The following OSMR variants were observed in gnomAD, a reference collection of about 807,000 sequenced individuals.
OSMR encodes oncostatin M receptor.
Under a neutral mutation model 99.9 loss-of-function variants are expected in OSMR, and 81 were observed. That is an observed-to-expected ratio of 0.81 (90% CI 0.68 to 0.97). The LOEUF (loss-of-function observed/expected upper bound fraction) is 0.97. OSMR is among the 50% of genes least tolerant of loss of function. The pLI is 0.00. For synonymous variants in OSMR, 406 were observed against 410.4 expected, an observed-to-expected ratio of 0.99 and a Z score of 0.13; for missense variants, 1,099 against 1,153.4, an observed-to-expected ratio of 0.95 and a Z score of 0.68.
At chr5:38,873,894 G>A (rs143819903) in intron 2 of OSMR, among the ~76,000 whole-genome samples, 51 of 152,130 alleles carry the variant, frequency 3.4e-4, no homozygotes, top group African/African-American at 9.9e-4. Context: ...GTGCAGTGGT[G>A]TGATCACGGT....
chr5:38,903,023 C>T (rs1744994384), intron 7 of OSMR, among the ~76,000 whole-genome samples: 1 of 152,180 alleles, frequency 6.6e-6, no homozygotes, highest in Non-Finnish European at 1.5e-5. Context: ...TCTGATGTCT[C>T]CACTGTGGGC....
At chr5:38,869,724 A>G (rs1479975527) in intron 2 of OSMR, among the ~76,000 whole-genome samples, 1 of 152,240 alleles carries the variant, frequency 6.6e-6, no homozygotes, top group Non-Finnish European at 1.5e-5. Flanking sequence ...AATAAGGTCA[A>G]TAAGAATTTA....
At chr5:38,852,752 A>T (rs1740507186) in intron 1 of OSMR, among the ~76,000 whole-genome samples, 1 of 38,728 alleles carries the variant, frequency 2.6e-5, no homozygotes, top group Admixed American at 4.4e-4. Flanking sequence ...TTTTTTTGAG[A>T]CGGAGTCTCA....
At chr5:38,903,640 A>T in intron 7 of OSMR, 1 of 376,352 alleles carries the variant, frequency 2.7e-6, no homozygotes, top group Non-Finnish European at 3.7e-6. Context: ...ACTTGTGTTT[A>T]ATTTTAAGAG....
At chr5:38,936,725 A>C (rs1479222789), downstream of OSMR, among the ~76,000 whole-genome samples, 1 of 152,230 alleles carries the variant, frequency 6.6e-6, no homozygotes, top group Non-Finnish European at 1.5e-5. Flanking sequence ...AGTCTGCATA[A>C]AGTAGAACTT....
intron 1 of OSMR, among the ~76,000 whole-genome samples, chr5:38,857,649 T>C (rs1360150946): frequency 6.6e-6 from 1 of 152,270 alleles, no homozygotes; most frequent in East Asian, 1.9e-4. Context: ...TTTAAAACTC[T>C]CTCTTCTAGC....
chr5:38,936,739 A>G (rs570527991), downstream of OSMR, among the ~76,000 whole-genome samples: 27 of 152,378 alleles, frequency 1.8e-4, 1 homozygote, highest in South Asian at 5.6e-3. Flanking sequence ...AGAACTTTTA[A>G]AACTCTGGAA....
chr5:38,876,450 G>GA, intron 3 of OSMR, 77 bp downstream of exon 3: 1 of 1,241,452 alleles, frequency 8.1e-7, no homozygotes, highest in Non-Finnish European at 1.2e-6. Flanking sequence ...TATAACATCT[G>GA]AAAAATTCTC....
chr5:38,862,102 A>AT (rs1741430091), intron 1 of OSMR, among the ~76,000 whole-genome samples: 2 of 14,992 alleles, frequency 1.3e-4, no homozygotes, highest in Admixed American at 4.2e-4. Context: ...TGGGGGGCTG[A>AT]CCCCCCACCT....
chr5:38,896,576 A>T (rs1310882312), intron 7 of OSMR, among the ~76,000 whole-genome samples: 1 of 152,094 alleles, frequency 6.6e-6, no homozygotes, highest in Non-Finnish European at 1.5e-5. Context: ...CAAATATAAG[A>T]TAATATCATC....
At chr5:38,944,636 ATTTATT>A (rs1747971466) in intron 2 of OSMR, 1 of 1,366,528 alleles carries the variant, frequency 7.3e-7, no homozygotes, top group Admixed American at 2.3e-5. Flanking sequence ...AACTCATGAA[ATTTATT>A]TTTAAACTTC....
chr5:38,926,437 G>A (rs1319295149), intron 15 of OSMR, among the ~76,000 whole-genome samples: 1 of 152,224 alleles, frequency 6.6e-6, no homozygotes, highest in Non-Finnish European at 1.5e-5. Flanking sequence ...CATGGCTGGG[G>A]AGGCCTTAGG....
intron 4 of OSMR, among the ~76,000 whole-genome samples, chr5:38,882,067 A>AG (rs1367734247): frequency 1.3e-5 from 2 of 152,240 alleles, no homozygotes; most frequent in Non-Finnish European, 2.9e-5. Flanking sequence ...CAAGACATAA[A>AG]TTGTACATAT....
chr5:38,920,157 C>G (rs895928803), intron 11 of OSMR, among the ~76,000 whole-genome samples: 2 of 152,136 alleles, frequency 1.3e-5, no homozygotes, highest in African/African-American at 4.8e-5. Flanking sequence ...ATTTTGGGGT[C>G]TCCTACCACA....
chr5:38,929,872 T>C (rs868564914), intron 15 of OSMR, among the ~76,000 whole-genome samples: 4 of 152,244 alleles, frequency 2.6e-5, no homozygotes, highest in South Asian at 2.1e-4. Context: ...TCTAAGCAGA[T>C]AGGTACAGTA....
intron 11 of OSMR, among the ~76,000 whole-genome samples, chr5:38,921,291 G>T (rs572452947): frequency 1.3e-4 from 19 of 151,784 alleles, no homozygotes; most frequent in Admixed American, 1.2e-3. Flanking sequence ...TTAGCTCAAG[G>T]GTCATATGAA....
chr5:38,883,755 A>G (rs1743482908), intron 4 of OSMR, 72 bp from the exon 5 acceptor site: 1 of 1,609,866 alleles, frequency 6.2e-7, no homozygotes. Flanking sequence ...TGCTGAAGGC[A>G]AATGGATAAC....
At chr5:38,944,951 C>A (rs1579860120) in exon 3 of OSMR, 1 of 1,613,996 alleles carries the variant, frequency 6.2e-7, no homozygotes, top group East Asian at 2.2e-5. Context: ...GCTAGCTGAG[C>A]CTTCTTGAGA....
chr5:38,885,902 G>A (rs892709452), intron 6 of OSMR, 137 bp from the exon 7 acceptor site: 1 of 1,467,442 alleles, frequency 6.8e-7, no homozygotes, highest in East Asian at 2.5e-5. Context: ...GTATTTGTTG[G>A]TGATGGATGG....
Sources: gnomAD v4.1 joint callset for allele counts (sites outside exome capture counted in the v4.1 genomes callset) on GRCh38, gnomAD v4.1.1 for gene constraint, MANE v1.5 for transcripts, NCBI Gene and HGNC (gene_info 2026-07-23, HGNC 2026-07-21) for gene names.